USP44: variants seen among roughly 807,000 people sequenced by gnomAD.
The protein encoded by USP44 is ubiquitin carboxyl-terminal hydrolase 44.
A neutral mutation model predicts 69.0 loss-of-function variants in USP44; 61 were observed. That is an observed-to-expected ratio of 0.88 (90% confidence interval 0.72 to 1.09). The LOEUF is 1.09. Among genes scored for constraint, USP44 ranks in the 50% least tolerant of loss-of-function variants. USP44 has a pLI of 0.00. For missense variants in USP44, 753 were observed against 849.9 expected (o/e 0.89, Z 1.42); for synonymous variants, 297 against 295.4 (o/e 1.01, Z -0.06).
In USP44 at chr12:95,544,528, T is replaced by C. The variant is rs73231358; in HGVS notation, c.-71+6744A>G. On this transcript the variant is annotated intron_variant, in intron 1 of 5. Transcript: ENST00000258499. ...GGTCAATGGTATGAATAATGTAATA[T>C]AGATCTAATTGGCGTAATCAGTAGC... Among the ~76,000 whole-genome samples, 243 of 152,298 alleles carry C rather than the reference T, an allele frequency of 1.6e-3. 1 individual carries two copies. The highest frequency in any genetic ancestry group is 2.5e-3 in the Non-Finnish European group (168 of 68,030).
chr12:95,525,605 C>T (rs1280750700), intron 3 of USP44, among the ~76,000 whole-genome samples: 1 of 152,250 alleles, frequency 6.6e-6, no homozygotes, highest in Non-Finnish European at 1.5e-5. Flanking sequence ...CTGGGGACCA[C>T]CTCAGCCCTG....
chr12:95,529,173 CT>C (rs1401412091), intron 2 of USP44, among the ~76,000 whole-genome samples, 171 bp from the exon 3 acceptor site: 7 of 152,078 alleles, frequency 4.6e-5, no homozygotes, highest in Admixed American at 4.6e-4. Flanking sequence ...ATGATTTTTC[CT>C]TCCAAAAGAT....
At chr12:95,542,835 T>TC (rs1327296342) in intron 1 of USP44, among the ~76,000 whole-genome samples, 1 of 151,542 alleles carries the variant, frequency 6.6e-6, no homozygotes, top group Non-Finnish European at 1.5e-5. Context: ...CACCCTGTAA[T>TC]CCCAGCACTT....
At position 95,533,605 on chromosome 12, in the gene USP44, C is replaced by G; in HGVS notation, c.652G>C (p.Gly218Arg). 6.2e-7 allele frequency: 1 copy of G among 1,613,782 alleles called. No individual in the cohort carries two copies. The highest frequency in any genetic ancestry group is 1.1e-5 in the South Asian group (1 of 91,052). Reference sequence around the variant, plus strand: ...TCTATTATGGTCGACTGAGCGAGCCCTTGTAAACGTAAACTCTTTCTTGGA... The same window carrying G: ...TCTATTATGGTCGACTGAGCGAGCCGTTGTAAACGTAAACTCTTTCTTGGA... ...MPPRKSLRLQ[G>R]LAQSTIIEIV... Residue 218 changes from glycine to arginine, a missense_variant, in exon 2 of 6, where the codon GGG becomes CGG. Coordinates refer to ENST00000258499, the MANE Select transcript of USP44 (RefSeq NM_032147.5).
intron 1 of USP44, among the ~76,000 whole-genome samples, chr12:95,539,178 CTTT>C (rs996914262): frequency 6.7e-6 from 1 of 150,342 alleles, no homozygotes; most frequent in Non-Finnish European, 1.5e-5. Flanking sequence ...TATCAAATGG[CTTT>C]TTTTTCTTTT....
At chr12:95,530,344 G>A (rs2140274899) in intron 2 of USP44, among the ~76,000 whole-genome samples, 1 of 152,266 alleles carries the variant, frequency 6.6e-6, no homozygotes, top group South Asian at 2.1e-4. Context: ...TCCCAGTCTG[G>A]GTGTAGTGGC....
At chr12:95,538,904 C>T (rs528238484) in intron 1 of USP44, among the ~76,000 whole-genome samples, 1 of 152,340 alleles carries the variant, frequency 6.6e-6, no homozygotes, top group African/African-American at 2.4e-5. Flanking sequence ...ATTTGCTAAT[C>T]CACCGCTGTG....
At chr12:95,524,499 A>C in intron 4 of USP44, 181 bp downstream of exon 4, 1 of 474,958 alleles carries the variant, frequency 2.1e-6, no homozygotes. Context: ...TCGATCTCTA[A>C]ATAAATAAAC....
chr12:95,538,928 G>A lies in USP44; in HGVS notation c.-70-4602C>T, dbSNP rs921172674. Reference sequence around the variant, plus strand: ...TCCACCGCTGTGAAGCTATGCATTCGCTCTGGCGTCAGCAGATTGGATGTA... The same window carrying A: ...TCCACCGCTGTGAAGCTATGCATTCACTCTGGCGTCAGCAGATTGGATGTA... On this transcript the variant is annotated intron_variant, in intron 1 of 5. Coordinates refer to ENST00000258499, the MANE Select transcript of USP44 (RefSeq NM_032147.5). Among the ~76,000 whole-genome samples, 5 of 152,324 alleles carry A rather than the reference G, an allele frequency of 3.3e-5. No homozygotes were observed. The South Asian group carries it at 1.0e-3, about 32-fold the overall frequency.
At chr12:95,525,213 A>T (rs992600396) in intron 3 of USP44, among the ~76,000 whole-genome samples, 3 of 152,258 alleles carry the variant, frequency 2.0e-5, no homozygotes, top group Non-Finnish European at 2.9e-5. Context: ...CTGGGACTAT[A>T]GGTGCGTGCC....
chr12:95,522,301 A>G (rs2076691523), intron 4 of USP44, among the ~76,000 whole-genome samples: 2 of 152,152 alleles, frequency 1.3e-5, no homozygotes, highest in African/African-American at 4.8e-5. Flanking sequence ...TGGAAAAAAA[A>G]AAGTGAAAAT....
intron 1 of USP44, among the ~76,000 whole-genome samples, chr12:95,550,183 G>GAAAAAAAAAAAAAAAAAAAAAAAAAAA (rs570350053): frequency 1.1e-5 from 1 of 93,354 alleles, no homozygotes; most frequent in Non-Finnish European, 2.2e-5. Flanking sequence ...CTCCGTCTCA[G>GAAAAAAAAAAAAAAAAAAAAAAAAAAA]AAAAAAAAAA....
At chr12:95,541,874 A>AT (rs34060895) in intron 1 of USP44, among the ~76,000 whole-genome samples, 3,936 of 99,508 alleles carry the variant, frequency 0.04, 224 homozygotes, top group African/African-American at 0.12. Flanking sequence ...TATCATCTCC[A>AT]TTTTTTTTTT....
intron 5 of USP44, among the ~76,000 whole-genome samples, chr12:95,520,689 C>T (rs1488651661): frequency 6.6e-6 from 1 of 152,104 alleles, no homozygotes; most frequent in Non-Finnish European, 1.5e-5. Context: ...TGAAGTAAAC[C>T]AGTAAACATA....
chr12:95,528,705 G>A, intron 3 of USP44, 102 bp downstream of exon 3: 4 of 1,263,274 alleles, frequency 3.2e-6, no homozygotes, highest in South Asian at 3.6e-5. Context: ...CTGAAAAAAA[G>A]TTCATTTTCA....
chr12:95,551,565 G>T (rs2077721427), upstream of USP44: 1 of 152,720 alleles, frequency 6.5e-6, no homozygotes, highest in Non-Finnish European at 1.5e-5. Context: ...TTTGTTCCGA[G>T]TTCTGAGCCT....
At chr12:95,546,943 T>C (rs1231818993) in intron 1 of USP44, 1 of 152,108 alleles carries the variant, frequency 6.6e-6, no homozygotes, top group Non-Finnish European at 1.5e-5. Context: ...AGAAGTTTGG[T>C]AGAGTGGATA....
At chr12:95,524,839 G>A (rs1269576898) in intron 3 of USP44, 51 bp from the exon 4 acceptor site, 2 of 1,487,378 alleles carry the variant, frequency 1.3e-6, no homozygotes, top group Non-Finnish European at 1.8e-6. Flanking sequence ...AAGATTCAGG[G>A]AAAAGCTGAG....
intron 1 of USP44, among the ~76,000 whole-genome samples, chr12:95,539,701 C>T (rs1271612522): frequency 6.6e-6 from 1 of 152,158 alleles, no homozygotes; most frequent in Non-Finnish European, 1.5e-5. Flanking sequence ...TATGACTGAG[C>T]ATGCATTTTA....
Sources: gnomAD v4.1 joint callset for allele counts (sites outside exome capture counted in the v4.1 genomes callset) on GRCh38, gnomAD v4.1.1 for gene constraint, MANE v1.5 for transcripts, NCBI Gene and HGNC (gene_info 2026-07-23, HGNC 2026-07-21) for gene names.